The following KCNK18 variants were observed in gnomAD, a reference collection of about 807,000 sequenced individuals.
KCNK18 encodes the protein potassium two pore domain channel subfamily K member 18.
KCNK18 carries 8 observed loss-of-function variants against 11.8 expected under a neutral mutation model. The observed-to-expected ratio is 0.68, with a 90% CI of 0.40 to 1.22. KCNK18 has a LOEUF of 1.22. Among genes scored for constraint, KCNK18 ranks in the 50% most tolerant of loss-of-function variants. The pLI is 0.01. For missense variants in KCNK18, 442 were observed against 465.4 expected (o/e 0.95, Z 0.46); for synonymous variants, 208 against 185.8 (o/e 1.12, Z -0.97).
chr10:117,198,056 G>T (rs1327054086), intron 1 of KCNK18, among the ~76,000 whole-genome samples: 7 of 152,144 alleles, frequency 4.6e-5, no homozygotes, highest in Admixed American at 2.0e-4. Context: ...TGGTGGGGTG[G>T]GGTGCATGGG....
At chr10:117,205,582 G>A (rs924056345) in intron 2 of KCNK18, among the ~76,000 whole-genome samples, 1 of 152,104 alleles carries the variant, frequency 6.6e-6, no homozygotes, top group Admixed American at 6.6e-5. Flanking sequence ...CCATCCTCCT[G>A]TCCTGCTGAG....
Position 117,197,759 on chromosome 10 carries a change from C to T in KCNK18, c.223+48C>T, listed in dbSNP as rs767448125. 14 of 1,540,622 alleles carry T rather than the reference C, an allele frequency of 9.1e-6. No individual in the cohort carries two copies. The Admixed American group carries it at 1.9e-4, about 21-fold the overall frequency. ...GTGGGCCTTTTCTCCGTGGTGGCAG[C>T]AGTCCCCCAAGAGCAGAGGGCTGCC... On this transcript the variant is annotated intron_variant, in intron 1 of 2. Transcript: ENST00000334549.
At chr10:117,204,538 T>C (rs927378027) in intron 2 of KCNK18, among the ~76,000 whole-genome samples, 1 of 152,194 alleles carries the variant, frequency 6.6e-6, no homozygotes, top group African/African-American at 2.4e-5. Flanking sequence ...TATTGAGAAA[T>C]GATCTATTGC....
chr10:117,205,753 T>A (rs1251106819), intron 2 of KCNK18, among the ~76,000 whole-genome samples: 2 of 152,148 alleles, frequency 1.3e-5, no homozygotes, highest in Non-Finnish European at 2.9e-5. Flanking sequence ...GATGATTTTT[T>A]CAAGATGCAA....
chr10:117,201,418 C>A, intron 2 of KCNK18, 131 bp downstream of exon 2: 1 of 934,076 alleles, frequency 1.1e-6, no homozygotes, highest in Non-Finnish European at 1.7e-6. Flanking sequence ...TTCCTCAAAT[C>A]TATATTGCAC....
intron 2 of KCNK18, among the ~76,000 whole-genome samples, chr10:117,203,343 C>G: frequency 6.6e-6 from 1 of 152,126 alleles, no homozygotes; most frequent in Non-Finnish European, 1.5e-5. Flanking sequence ...GTGACTATCC[C>G]ATTCCACAGG....
At chr10:117,204,323 G>A (rs937750289) in intron 2 of KCNK18, among the ~76,000 whole-genome samples, 29 of 151,640 alleles carry the variant, frequency 1.9e-4, no homozygotes, top group African/African-American at 6.5e-4. Flanking sequence ...TCTGAGGCAG[G>A]ATTTCTCAAC....
At chr10:117,208,741 A>C (rs1204461435) in intron 2 of KCNK18, among the ~76,000 whole-genome samples, 3 of 120,664 alleles carry the variant, frequency 2.5e-5, no homozygotes, top group Admixed American at 1.0e-4. Flanking sequence ...GGACAAGGGT[A>C]GCTTTTTTTT....
chr10:117,201,270 C>T lies in KCNK18; in HGVS notation c.335C>T (p.Thr112Met), dbSNP rs199813258. The T allele has an allele frequency of 4.2e-5, 67 of 1,613,692 alleles. No homozygotes were observed. Among genetic ancestry groups the T allele is most frequent in the Admixed American group, 6.7e-5 (4 of 60,018 alleles). Reference protein sequence around the residue: ...SFLSSLFFCCTVFSTVGYGYI... With the variant: ...SFLSSLFFCCMVFSTVGYGYI... ...CTGAGCTCGCTCTTTTTCTGCTGCA[C>T]GGTGTTCAGCACCGTGGGTAAGTGC... Residue 112 changes from threonine to methionine, a missense_variant, in exon 2 of 3, where the codon ACG becomes ATG. Physicochemically the swap from Thr to Met is moderately conservative, Grantham distance 81. Transcript: ENST00000334549.
At chr10:117,205,166 C>T (rs1029362819) in intron 2 of KCNK18, among the ~76,000 whole-genome samples, 11 of 152,160 alleles carry the variant, frequency 7.2e-5, no homozygotes, top group African/African-American at 2.7e-4. Context: ...CGGTCAATCC[C>T]GTCATTCCCA....
chr10:117,201,324 T>C (rs767792348), intron 2 of KCNK18, 37 bp downstream of exon 2: 2 of 1,607,804 alleles, frequency 1.2e-6, no homozygotes, highest in South Asian at 1.1e-5. Context: ...ACGGTGGCCC[T>C]GTGAAGGGTG....
chr10:117,201,645 G>A (rs1161511286), intron 2 of KCNK18, among the ~76,000 whole-genome samples: 1 of 152,218 alleles, frequency 6.6e-6, no homozygotes, highest in African/African-American at 2.4e-5. Flanking sequence ...GCACCCTGCT[G>A]CCTCTATGTA....
At position 117,210,197 on chromosome 10, in the gene KCNK18, G is replaced by A. The variant is rs752379870; in HGVS notation, c.1053G>A (p.Val351=). The A allele has an allele frequency of 3.7e-6, 6 of 1,614,096 alleles. No individual in the cohort carries two copies. Among genetic ancestry groups the A allele is most frequent in the South Asian group, 1.1e-5 (1 of 91,080 alleles). ...SIYIIVGMEI[V]FIAFKLVQNR... Reference sequence around the variant, plus strand: ...ATATCATCGTTGGAATGGAGATTGTGTTCATTGCTTTCAAGTTGGTGCAAA... The same window carrying A: ...ATATCATCGTTGGAATGGAGATTGTATTCATTGCTTTCAAGTTGGTGCAAA... The change falls in exon 3 of 3, where the codon GTG becomes GTA. Residue 351 remains valine, a synonymous_variant. Transcript: ENST00000334549.
In KCNK18 at chr10:117,202,885, GCTTTTTTTTTTTTT is replaced by G; in HGVS notation, c.352+1599_352+1612del. On this transcript the variant is annotated intron_variant, in intron 2 of 2. Transcript: ENST00000334549. ...CGTGGTTTCTCCCATTTGCCTGAAT[GCTTTTTTTTTTTTT>G]TTTTTTTTTGAGATGGAGTCTTGCT... Among the ~76,000 whole-genome samples, 2 of 111,286 alleles carry G rather than the reference GCTTTTTTTTTTTTT, an allele frequency of 1.8e-5. 1 individual carries two copies. The highest frequency in any genetic ancestry group is 7.2e-5 in the African/African-American group (2 of 27,668). 73.0% of individuals were successfully genotyped at this position (111,286 alleles called of 152,430 possible).
rs146194900 is a variant in KCNK18, at chr10:117,209,643, C to T, written c.499C>T (p.Arg167Ter). Reference protein sequence around the residue: ...TILSTSYNRFRKFPFFTRPLL... With the variant: ...TILSTSYNRF ...CTTATCTACATCTTATAATCGGTTC[C>T]GAAAATTCCCTTTCTTTACCCGCCC... Residue 167 changes from arginine to a stop codon, truncating the protein, a stop_gained, in exon 3 of 3, where the codon CGA becomes TGA. Transcript: ENST00000334549. LOFTEE classifies it low-confidence loss of function (END_TRUNC). 67 of 1,613,986 alleles carry T rather than the reference C, an allele frequency of 4.2e-5. No homozygotes were observed. The Middle Eastern group carries it at 6.6e-4, about 16-fold the overall frequency.
chr10:117,206,807 G>A (rs1483637823), intron 2 of KCNK18, among the ~76,000 whole-genome samples: 3 of 152,186 alleles, frequency 2.0e-5, no homozygotes, highest in African/African-American at 7.2e-5. Context: ...GTAAGTGCAC[G>A]GAGGCTAGGT....
At chr10:117,202,885 G>GTTT (rs750157980) in intron 2 of KCNK18, among the ~76,000 whole-genome samples, 2,482 of 110,938 alleles carry the variant, frequency 0.022, 251 homozygotes, top group African/African-American at 0.082. Context: ...TTGCCTGAAT[G>GTTT]CTTTTTTTTT....
chr10:117,206,643 A>C (rs1589967507), intron 2 of KCNK18, among the ~76,000 whole-genome samples: 3 of 151,190 alleles, frequency 2.0e-5, no homozygotes, highest in South Asian at 2.1e-4. Flanking sequence ...CCCCTCCCCT[A>C]CCTCCCTGCA....
intron 2 of KCNK18, 124 bp downstream of exon 2, chr10:117,201,411 C>A: frequency 9.6e-7 from 1 of 1,037,774 alleles, no homozygotes; most frequent in South Asian, 1.3e-5. Context: ...CCCTCCCTTC[C>A]TCAAATCTAT....
Sources: gnomAD v4.1 joint callset for allele counts (sites outside exome capture counted in the v4.1 genomes callset) on GRCh38, gnomAD v4.1.1 for gene constraint, MANE v1.5 for transcripts, NCBI Gene and HGNC (gene_info 2026-07-23, HGNC 2026-07-21) for gene names.